CAST: variants seen among roughly 807,000 people sequenced by gnomAD.
The protein encoded by CAST is MIR583 host.
Under a neutral mutation model 119.6 loss-of-function variants are expected in CAST, and 76 were observed. The observed-to-expected ratio is 0.64, with a 90% confidence interval of 0.53 to 0.77. The LOEUF (loss-of-function observed/expected upper bound fraction) is 0.77, where lower values mean the gene tolerates loss of function less well. Ranked by LOEUF, CAST falls within the 30% of genes least tolerant of loss-of-function variation. The pLI is 0.00. For missense variants in CAST, 953 were observed against 946.5 expected (o/e 1.01, Z -0.09); for synonymous variants, 319 against 331.6 (o/e 0.96, Z 0.41).
chr5:96,479,557 C>G, the CAST span, among the ~76,000 whole-genome samples: 4 of 150,188 alleles, frequency 2.7e-5, no homozygotes, highest in Non-Finnish European at 5.9e-5. Context: ...TCAAGCGATT[C>G]TCCTGCCTCA....
the CAST span, among the ~76,000 whole-genome samples, chr5:96,313,631 A>G: frequency 6.6e-6 from 1 of 152,202 alleles, no homozygotes; most frequent in Non-Finnish European, 1.5e-5. Context: ...GCAGGTTTTT[A>G]TGTGGACATA....
chr5:96,462,995 T>C, the CAST span, among the ~76,000 whole-genome samples: 62 of 152,252 alleles, frequency 4.1e-4, no homozygotes, highest in Non-Finnish European at 7.9e-4. Context: ...TAAACCTCTT[T>C]TGTTTATAAA....
intron 1 of CAST, among the ~76,000 whole-genome samples, chr5:96,638,828 A>G (rs1425471800): frequency 3.9e-5 from 6 of 152,184 alleles, no homozygotes. Context: ...TTCTAAATGA[A>G]ACACAAATAA....
At chr5:96,109,899 T>C in the CAST span, among the ~76,000 whole-genome samples, 1 of 151,914 alleles carries the variant, frequency 6.6e-6, no homozygotes, top group South Asian at 2.1e-4. Context: ...AAAATGGTTC[T>C]ATTTTAGTAT....
At chr5:96,134,106 A>T in the CAST span, among the ~76,000 whole-genome samples, 1 of 152,150 alleles carries the variant, frequency 6.6e-6, no homozygotes, top group South Asian at 2.1e-4. Flanking sequence ...GGTAACAATT[A>T]ATCACAAATG....
chr5:96,669,599 T>A (rs907982247), intron 1 of CAST, among the ~76,000 whole-genome samples: 10 of 152,206 alleles, frequency 6.6e-5, no homozygotes, highest in African/African-American at 2.4e-4. Context: ...TAGAGATTAA[T>A]GTGCAAATAT....
chr5:96,713,388 C>T (rs917279404), intron 3 of CAST, among the ~76,000 whole-genome samples: 1 of 152,084 alleles, frequency 6.6e-6, no homozygotes, highest in African/African-American at 2.4e-5. Flanking sequence ...ACCTCAGCCT[C>T]CCGAAGTGCT....
chr5:96,152,054 A>G, the CAST span, among the ~76,000 whole-genome samples: 3 of 152,158 alleles, frequency 2.0e-5, no homozygotes, highest in Non-Finnish European at 4.4e-5. Flanking sequence ...CTCAGGAGGA[A>G]GGAGGGAGGG....
At chr5:96,315,425 A>G in the CAST span, among the ~76,000 whole-genome samples, 1 of 152,188 alleles carries the variant, frequency 6.6e-6, no homozygotes, top group Admixed American at 6.5e-5. Context: ...ATGTATAGTG[A>G]ACAATGTGAG....
chr5:96,076,383 C>T, the CAST span, among the ~76,000 whole-genome samples: 1 of 152,100 alleles, frequency 6.6e-6, no homozygotes, highest in Admixed American at 6.6e-5. Context: ...GCAACAAAAG[C>T]AAATATCGAA....
the CAST span, among the ~76,000 whole-genome samples, chr5:96,350,263 C>T: frequency 4.0e-5 from 6 of 151,838 alleles, no homozygotes; most frequent in East Asian, 7.8e-4. Context: ...CAAACAGTTG[C>T]ACTCTTTTGA....
the CAST span, among the ~76,000 whole-genome samples, chr5:96,055,865 G>A: frequency 6.6e-6 from 1 of 151,888 alleles, no homozygotes; most frequent in Non-Finnish European, 1.5e-5. Flanking sequence ...GAGATAATAG[G>A]TGAAGCTTTG....
At chr5:96,035,075 A>ATATATATATATATATTTAAG in the CAST span, among the ~76,000 whole-genome samples, 2 of 143,144 alleles carry the variant, frequency 1.4e-5, no homozygotes, top group Admixed American at 7.1e-5. Flanking sequence ...TTAAGTATAT[A>ATATATATATATATATTTAAG]TATATATATA....
intron 1 of CAST, among the ~76,000 whole-genome samples, chr5:96,549,392 G>C (rs923875510): frequency 6.6e-6 from 1 of 152,192 alleles, no homozygotes; most frequent in Non-Finnish European, 1.5e-5. Context: ...ATTGTAGGTA[G>C]ATAAAAATAA....
chr5:96,568,536 G>C (rs1457807888), intron 1 of CAST, among the ~76,000 whole-genome samples: 2 of 125,032 alleles, frequency 1.6e-5, no homozygotes, highest in African/African-American at 6.3e-5. Context: ...CTGCACTCCA[G>C]CCTGGGCGAC....
intron 9 of CAST, among the ~76,000 whole-genome samples, chr5:96,732,531 G>T (rs863523): frequency 0.67 from 91,243 of 136,750 alleles, 30,794 homozygotes; most frequent in Admixed American, 0.75. Context: ...GTCAATTTTG[G>T]CTTTTGTTGC....
chr5:96,714,831 A>G (rs1756909989), intron 3 of CAST: 1 of 152,206 alleles, frequency 6.6e-6, no homozygotes, highest in Admixed American at 6.5e-5. Flanking sequence ...CTGGAAAACT[A>G]GAGTTTGGAA....
rs564820132 is a variant in CAST, at chr5:96,619,705, A to G, written c.61-55834A>G. Among the ~76,000 whole-genome samples the G allele has an allele frequency of 1.2e-4, 18 of 151,924 alleles. No homozygotes were observed. In the South Asian group the frequency reaches 3.3e-3, roughly 28 times the overall value. On this transcript the variant is annotated intron_variant, in intron 1 of 11. Transcript: ENST00000505143. ...GAAGCAACTCCGAACGCATCCAAAC[A>G]TCAGAATAACAAACTCCAGGCACAC...
At chr5:96,750,565 G>A (rs773046655) in intron 19 of CAST, 22 bp from the exon 20 acceptor site, 3 of 1,511,428 alleles carry the variant, frequency 2.0e-6, no homozygotes, top group Non-Finnish European at 2.8e-6. Flanking sequence ...AACTTATTGA[G>A]AGTACTTGTG....
Sources: allele counts gnomAD v4.1 joint callset (sites outside exome capture counted in the v4.1 genomes callset), GRCh38; gene constraint gnomAD v4.1.1; transcripts MANE v1.5; gene names NCBI Gene and HGNC (gene_info 2026-07-23, HGNC 2026-07-21).